Variants in LRRC38 observed in about 807,000 individuals in gnomAD.
LRRC38 encodes the protein leucine-rich repeat-containing protein 38.
A neutral mutation model predicts 16.4 loss-of-function variants in LRRC38; 5 were observed. That is an observed-to-expected ratio of 0.31 (90% confidence interval 0.16 to 0.64). The LOEUF (loss-of-function observed/expected upper bound fraction) is 0.64, where lower values mean the gene tolerates loss of function less well. Ranked by LOEUF, LRRC38 falls within the 30% of genes least tolerant of loss-of-function variation. LRRC38 has a pLI of 0.80. For synonymous variants in LRRC38, 191 were observed against 190.2 expected (o/e 1.00, Z -0.04); for missense variants, 341 against 401.8 (o/e 0.85, Z 1.29).
At position 13,488,032 on chromosome 1, in the gene LRRC38, T is replaced by TTGTGTGTGTTTTTG. The variant is rs1439386107; in HGVS notation, c.632-11934_632-11933insCAAAAACACACACA. On this transcript the variant is annotated intron_variant, in intron 1 of 1. Coordinates refer to ENST00000376085, the MANE Select transcript of LRRC38 (RefSeq NM_001010847.2). ...TATACCTTTTCTAGATTGTGTGTGT[T>TTGTGTGTGTTTTTG]TGTGTGTGTGTGTGTGTGTGTGTGT... Among the ~76,000 whole-genome samples the TTGTGTGTGTTTTTG allele has an allele frequency of 2.9e-3, 421 of 147,204 alleles. 5 individuals are homozygous for TTGTGTGTGTTTTTG. Among genetic ancestry groups the TTGTGTGTGTTTTTG allele is most frequent in the African/African-American group, 0.01 (400 of 39,360 alleles).
intron 1 of LRRC38, among the ~76,000 whole-genome samples, chr1:13,504,648 G>A (rs775546260): frequency 2.7e-5 from 4 of 149,648 alleles, no homozygotes; most frequent in South Asian, 2.2e-4. Flanking sequence ...GCTTGAACCC[G>A]AGAGGCAGAG....
chr1:13,505,029 G>A (rs938275315), intron 1 of LRRC38, among the ~76,000 whole-genome samples: 1 of 152,108 alleles, frequency 6.6e-6, no homozygotes, highest in Non-Finnish European at 1.5e-5. Context: ...GGACACACCT[G>A]CATCCTTAAG....
chr1:13,481,755 T>C (rs747181006), intron 1 of LRRC38, among the ~76,000 whole-genome samples: 1 of 88,028 alleles, frequency 1.1e-5, no homozygotes, highest in Middle Eastern at 5.9e-3. Context: ...GCCTCTCACT[T>C]TCTTTCCCTC....
chr1:13,476,072 G>A lies in LRRC38; in HGVS notation c.659C>T (p.Pro220Leu), dbSNP rs1638784965. 1 of 1,550,442 alleles carries A rather than the reference G, an allele frequency of 6.4e-7. No individual in the cohort carries two copies. Among genetic ancestry groups the A allele is most frequent in the Non-Finnish European group, 8.7e-7 (1 of 1,146,888 alleles). The part of the protein sequence containing the change: ...KGLDEIQCSL[P>L]MESRRISLRE... ...CAGGGATATCCTCCTGCTCTCCATG[G>A]GCAGGGAGCACTGGATTTCATCAAG... is the stretch of plus-strand genomic sequence containing the variant. The change falls in exon 2 of 2, where the codon CCC becomes CTC. Residue 220 changes from proline (P) to leucine (L), a missense_variant. Physicochemically the swap from Pro to Leu is moderately conservative, Grantham distance 98. Transcript: ENST00000376085.
intron 1 of LRRC38, among the ~76,000 whole-genome samples, chr1:13,482,107 G>A (rs980305209): frequency 6.6e-6 from 1 of 152,144 alleles, no homozygotes. Flanking sequence ...AAACAGGTGA[G>A]GCTTCATGCT....
intron 1 of LRRC38, among the ~76,000 whole-genome samples, chr1:13,506,306 T>A (rs570797229): frequency 3.3e-5 from 5 of 152,058 alleles, no homozygotes; most frequent in Non-Finnish European, 7.4e-5. Flanking sequence ...CAGCCCATGA[T>A]GTTTCCCGGG....
chr1:13,486,259 C>A (rs768118262), intron 1 of LRRC38, among the ~76,000 whole-genome samples: 8 of 152,134 alleles, frequency 5.3e-5, no homozygotes, highest in Non-Finnish European at 1.0e-4. Context: ...CTCCGTCTTG[C>A]AAGTCTCCCT....
At chr1:13,482,800 A>C (rs1313073715) in intron 1 of LRRC38, among the ~76,000 whole-genome samples, 1 of 152,160 alleles carries the variant, frequency 6.6e-6, no homozygotes, top group African/African-American at 2.4e-5. Context: ...AGAATAGTGA[A>C]GGAAAGCCAA....
At chr1:13,495,629 A>G (rs1263925096) in intron 1 of LRRC38, among the ~76,000 whole-genome samples, 1 of 152,020 alleles carries the variant, frequency 6.6e-6, no homozygotes, top group African/African-American at 2.4e-5. Flanking sequence ...CACAGGACTC[A>G]AGCACCCTGG....
In LRRC38 at chr1:13,491,073, C is replaced by T. The variant is rs148969006; in HGVS notation, c.632-14974G>A. 4.0e-3 allele frequency among the ~76,000 whole-genome samples: 610 copies of T among 152,336 alleles called. 3 individuals carry two copies. Among genetic ancestry groups the T allele is most frequent in the Middle Eastern group, 0.01 (3 of 294 alleles). On this transcript the variant is annotated intron_variant, in intron 1 of 1. Coordinates refer to ENST00000376085, the MANE Select transcript of LRRC38 (RefSeq NM_001010847.2). ...AACGTAACCCTCTTGCCCAACAACC[C>T]TTCAGGGCAATGGTTCTCCGCTGGG... is the stretch of plus-strand genomic sequence containing the variant.
At chr1:13,485,731 G>A (rs1208291750) in intron 1 of LRRC38, among the ~76,000 whole-genome samples, 5 of 152,220 alleles carry the variant, frequency 3.3e-5, no homozygotes, top group South Asian at 2.1e-4. Context: ...AGGGCAAAGA[G>A]CACTAAAATG....
chr1:13,513,386 G>T lies in LRRC38; in HGVS notation c.208C>A (p.Arg70=), dbSNP rs1395738394. The T allele has an allele frequency of 3.2e-6, 5 of 1,550,644 alleles. No individual in the cohort carries two copies. Among genetic ancestry groups the T allele is most frequent in the Non-Finnish European group, 4.4e-6 (5 of 1,146,966 alleles). The change falls in exon 1 of 2, where the codon CGG becomes AGG. Residue 70 remains arginine (R), a synonymous_variant. Transcript: ENST00000376085. ...KLLVAGNRIQ[R]IPEDFFIFYG... ...AAGATGAAGAAGTCCTCGGGGATCC[G>T]CTGGATGCGGTTGCCGGCCACCAGC...
chr1:13,476,407 C>A (rs1638790380), intron 1 of LRRC38, among the ~76,000 whole-genome samples: 1 of 152,270 alleles, frequency 6.6e-6, no homozygotes, highest in East Asian at 1.9e-4. Context: ...CGGCTCACTG[C>A]AGCCTCTACC....
At chr1:13,488,673 T>G (rs1638971834) in intron 1 of LRRC38, among the ~76,000 whole-genome samples, 1 of 152,226 alleles carries the variant, frequency 6.6e-6, no homozygotes, top group Non-Finnish European at 1.5e-5. Context: ...CTCTTTCATC[T>G]TTATCAATCT....
In LRRC38 at chr1:13,511,325, C is replaced by G. The variant is rs888202040; in HGVS notation, c.631+1638G>C. 2.6e-5 allele frequency among the ~76,000 whole-genome samples: 4 copies of G among 152,052 alleles called. No homozygotes were observed. In the East Asian group the frequency reaches 7.7e-4, roughly 29 times the overall value. ...AGCTTAAAAAACTGGAGTGACCCAC[C>G]CAGAGTCCCCCAGATTTTAGGCCAG... On this transcript the variant is annotated intron_variant, in intron 1 of 1. Transcript: ENST00000376085.
At chr1:13,501,516 C>G (rs1463728371) in intron 1 of LRRC38, among the ~76,000 whole-genome samples, 1 of 146,896 alleles carries the variant, frequency 6.8e-6, no homozygotes, top group African/African-American at 2.6e-5. Context: ...TCAAGCAATT[C>G]TCCTGCCTCA....
intron 1 of LRRC38, among the ~76,000 whole-genome samples, chr1:13,504,773 GA>G (rs1553121236): frequency 1.1e-5 from 1 of 90,740 alleles, no homozygotes; most frequent in African/African-American, 4.5e-5. Context: ...GGAAGGGAGG[GA>G]AGGGGAGAGG....
rs534832302 is a variant in LRRC38 at position 13,480,345 on chromosome 1, A to G, written c.632-4246T>C. ...GGGTAATAAGAGCGAAACTCTGTCTAAAAAATAAACAAACTGTCTCCAGAC... is the reference window on the plus strand; with the variant it reads ...GGGTAATAAGAGCGAAACTCTGTCTGAAAAATAAACAAACTGTCTCCAGAC... On this transcript the variant is annotated intron_variant, in intron 1 of 1. Transcript: ENST00000376085. Among the ~76,000 whole-genome samples, 513 of 146,186 alleles carry G rather than the reference A, an allele frequency of 3.5e-3. 2 individuals are homozygous for G. Among genetic ancestry groups the G allele is most frequent in the Middle Eastern group, 7.4e-3 (2 of 272 alleles).
rs1638947314 is a variant in LRRC38, at chr1:13,487,330, T to A, written c.632-11231A>T. ...CATTTAACTGGGTCCTGTTGTTCTA[T>A]AAAACCATGTGCTTGGTGGCATGAG... On this transcript the variant is annotated intron_variant, in intron 1 of 1. Transcript: ENST00000376085. This position sits in a 1 kb window ranked among gnomAD's most constrained non-coding sequence, Gnocchi z 4.4. Among the ~76,000 whole-genome samples the A allele has an allele frequency of 6.6e-6, 1 of 152,168 alleles. No homozygotes were observed. Among genetic ancestry groups the A allele is most frequent in the South Asian group, 2.1e-4 (1 of 4,830 alleles).
Sources: allele counts gnomAD v4.1 joint callset (sites outside exome capture counted in the v4.1 genomes callset), GRCh38; gene constraint gnomAD v4.1.1; non-coding constraint Gnocchi (gnomAD v3.1); transcripts MANE v1.5; gene names NCBI Gene and HGNC (gene_info 2026-07-23, HGNC 2026-07-21).